SEC14L1: variants seen among roughly 807,000 people sequenced by gnomAD.
The protein encoded by SEC14L1 is SEC14-like protein 1.
In SEC14L1, 48 loss-of-function variants were observed where a neutral mutation model predicts 85.3. The observed-to-expected ratio is 0.56, with a 90% confidence interval of 0.45 to 0.72. The LOEUF (loss-of-function observed/expected upper bound fraction) is 0.72, where lower values mean the gene tolerates loss of function less well. Among genes scored for constraint, SEC14L1 ranks in the 30% least tolerant of loss-of-function variants. The pLI is 0.00. For synonymous variants in SEC14L1, 391 were observed against 355.5 expected (o/e 1.10, Z -1.12); for missense variants, 682 against 921.4 (o/e 0.74, Z 3.36).
At chr17:77,117,428 A>G (rs749024655) in intron 3 of SEC14L1, among the ~76,000 whole-genome samples, 33 of 152,222 alleles carry the variant, frequency 2.2e-4, no homozygotes, top group Non-Finnish European at 4.0e-4. Context: ...GCACGTAGAA[A>G]CCCAATCGAC....
Position 77,166,568 on chromosome 17 carries a change from A to G in SEC14L1, c.63+22909A>G, listed in dbSNP as rs192255713. 5.2e-4 allele frequency among the ~76,000 whole-genome samples: 79 copies of G among 152,326 alleles called. 1 individual carries two copies. Among genetic ancestry groups the G allele is most frequent in the Middle Eastern group, 3.4e-3 (1 of 294 alleles). On this transcript the variant is annotated intron_variant, in intron 3 of 16. Coordinates refer to ENST00000436233, the MANE Select transcript of SEC14L1 (RefSeq NM_001143998.2). Reference sequence around the variant, plus strand: ...ATGAGACCTATTAAGGGCCGGGTGCAGTGGCTTATGGCTGTAATCCCAGCA... The same window carrying G: ...ATGAGACCTATTAAGGGCCGGGTGCGGTGGCTTATGGCTGTAATCCCAGCA...
Position 77,193,519 on chromosome 17 carries a change from A to G in SEC14L1, c.444A>G (p.Ala148=). 1 of 1,612,408 alleles carries G rather than the reference A, an allele frequency of 6.2e-7. No individual in the cohort carries two copies. Among genetic ancestry groups the G allele is most frequent in the Non-Finnish European group, 8.5e-7 (1 of 1,178,896 alleles). Residue 148 remains alanine, a synonymous_variant, in exon 6 of 17, where the codon GCA becomes GCG. Coordinates refer to ENST00000436233, the MANE Select transcript of SEC14L1 (RefSeq NM_001143998.2). ...FGFESTVEKI[A]MKQYTSNIKK... is the part of the protein sequence containing the mutation. The stretch of plus-strand genomic sequence containing the variant: ...TTGAAAGTACAGTGGAAAAAATTGC[A>G]ATGAAACAATATACCAGCAACATTA...
chr17:77,173,222 A>T (rs966756890), intron 3 of SEC14L1, among the ~76,000 whole-genome samples: 2 of 152,072 alleles, frequency 1.3e-5, no homozygotes, highest in African/African-American at 2.4e-5. Context: ...GTTGGAGCTA[A>T]CTCTTTAGAA....
chr17:77,209,749 C>T (rs1567936482), intron 14 of SEC14L1: 1 of 324,198 alleles, frequency 3.1e-6, no homozygotes, highest in East Asian at 5.4e-5. Flanking sequence ...CCACCAAACA[C>T]AGAGATAGGA....
intron 3 of SEC14L1, among the ~76,000 whole-genome samples, chr17:77,113,653 C>G (rs577719795): frequency 3.3e-5 from 5 of 151,956 alleles, no homozygotes; most frequent in African/African-American, 9.7e-5. Flanking sequence ...GGCTGAGGCA[C>G]GAGAATTGCT....
chr17:77,128,084 C>T (rs146953381), intron 3 of SEC14L1: 1,549 of 152,314 alleles, frequency 0.01, 11 homozygotes, highest in Middle Eastern at 0.034. Context: ...GCCACCAGTT[C>T]GTGGTAATTT....
At chr17:77,194,063 A>G (rs1260620951) in intron 6 of SEC14L1, among the ~76,000 whole-genome samples, 1 of 152,198 alleles carries the variant, frequency 6.6e-6, no homozygotes, top group Non-Finnish European at 1.5e-5. Context: ...AAGAATTGAA[A>G]TTGAGACAGA....
chr17:77,111,250 G>A (rs541641161), intron 3 of SEC14L1, among the ~76,000 whole-genome samples: 6 of 152,094 alleles, frequency 3.9e-5, no homozygotes, highest in African/African-American at 9.6e-5. Flanking sequence ...ACTCAAAGCC[G>A]GGGGTGGGAT....
In SEC14L1 at chr17:77,147,680, A is replaced by C. The variant is rs117927794; in HGVS notation, c.63+4021A>C. ...CTTCTACCCAGGGATGTGTACCTGA[A>C]ACATTTTATGAAAGAGAAATCAAAA... On this transcript the variant is annotated intron_variant, in intron 3 of 16. Transcript: ENST00000436233. 4.5e-4 allele frequency among the ~76,000 whole-genome samples: 69 copies of C among 152,296 alleles called. No homozygotes were observed. In the East Asian group the frequency reaches 0.012, roughly 26 times the overall value.
intron 9 of SEC14L1, among the ~76,000 whole-genome samples, chr17:77,201,725 A>G (rs1021683466): frequency 3.9e-5 from 6 of 152,168 alleles, no homozygotes; most frequent in African/African-American, 1.4e-4. Flanking sequence ...CAGGAATTAC[A>G]GGCGTGAGCC....
chr17:77,209,413 C>T lies in SEC14L1; in HGVS notation c.1548C>T (p.Asp516=). 6.2e-7 allele frequency: 1 copy of T among 1,614,172 alleles called. No homozygotes were observed. ...YRTAEELENE[D]LKLWTETIYQ... ...CTGCAGAGGAGCTGGAGAACGAAGA[C>T]CTGAAGCTCTGGACTGAGACCATCT... The change falls in exon 14 of 17, where the codon GAC becomes GAT. Residue 516 remains aspartate (D), a synonymous_variant. Coordinates refer to ENST00000436233, the MANE Select transcript of SEC14L1 (RefSeq NM_001143998.2).
intron 7 of SEC14L1, 108 bp downstream of exon 7, chr17:77,195,019 C>T (rs762757670): frequency 1.3e-6 from 1 of 764,406 alleles, no homozygotes; most frequent in Non-Finnish European, 2.2e-6. Context: ...CATTAGATAA[C>T]TCAGAAAGGA....
At chr17:77,191,723 A>G (rs193021814) in intron 5 of SEC14L1, among the ~76,000 whole-genome samples, 1 of 151,672 alleles carries the variant, frequency 6.6e-6, no homozygotes, top group African/African-American at 2.4e-5. Flanking sequence ...TTGTATTTTT[A>G]GTAAAGATGG....
chr17:77,124,398 T>C (rs1040360264), intron 3 of SEC14L1, among the ~76,000 whole-genome samples: 2 of 152,104 alleles, frequency 1.3e-5, no homozygotes, highest in African/African-American at 4.8e-5. Context: ...CACGTCTTGT[T>C]TCTGCTTCAG....
chr17:77,183,268 A>G (rs539560547), intron 3 of SEC14L1, among the ~76,000 whole-genome samples: 1 of 152,342 alleles, frequency 6.6e-6, no homozygotes, highest in East Asian at 1.9e-4. Context: ...CATTTTTTAA[A>G]AAGTTGGTAG....
Position 77,216,880 on chromosome 17 carries a change from C to CT in SEC14L1, c.*2861dup. 2 of 301,448 alleles carry CT rather than the reference C, an allele frequency of 6.6e-6. No individual in the cohort carries two copies. The highest frequency in any genetic ancestry group is 1.2e-5 in the Non-Finnish European group (2 of 160,128). The allele number at this position is 301,448 out of a possible 1,614,324, so 18.7% of individuals were successfully genotyped here. A position where few individuals can be genotyped will look rare whatever the true frequency, so the allele number is the denominator to read the frequency against. Reference sequence around the variant, plus strand: ...TTTCTACCTTTAGTACCTTGCCACTCTTTTAAAACGCTGCTGTCATTTCCC... The same window carrying CT: ...TTTCTACCTTTAGTACCTTGCCACTCTTTTTAAAACGCTGCTGTCATTTCCC... On this transcript the variant is annotated 3_prime_UTR_variant, in exon 17 of 17. Coordinates refer to ENST00000436233, the MANE Select transcript of SEC14L1 (RefSeq NM_001143998.2).
chr17:77,102,599 G>T (rs1336636840), intron 3 of SEC14L1, among the ~76,000 whole-genome samples: 1 of 151,912 alleles, frequency 6.6e-6, no homozygotes, highest in African/African-American at 2.4e-5. Context: ...CCCCTCCCAG[G>T]TTCAAGTGAT....
intron 3 of SEC14L1, among the ~76,000 whole-genome samples, chr17:77,169,816 G>A (rs1380712980): frequency 1.3e-5 from 2 of 152,114 alleles, no homozygotes; most frequent in African/African-American, 2.4e-5. Context: ...GTAGAGGTGG[G>A]GACATTAATA....
At chr17:77,191,509 T>C (rs1383706426) in intron 5 of SEC14L1, among the ~76,000 whole-genome samples, 197 bp downstream of exon 5, 1 of 152,216 alleles carries the variant, frequency 6.6e-6, no homozygotes, top group Non-Finnish European at 1.5e-5. Context: ...GTCGTGGCAG[T>C]TAAGGCAGCC....
Sources: allele counts gnomAD v4.1 joint callset (sites outside exome capture counted in the v4.1 genomes callset), GRCh38; gene constraint gnomAD v4.1.1; transcripts MANE v1.5; gene names NCBI Gene and HGNC (gene_info 2026-07-23, HGNC 2026-07-21).